The following RFTN2 variants were observed in gnomAD, a reference collection of about 807,000 sequenced individuals.
The protein encoded by RFTN2 is raftlin family member 2, also known as raftlin-2.
Under a neutral mutation model 52.7 loss-of-function variants are expected in RFTN2, and 34 were observed. The observed-to-expected ratio is 0.64, with a 90% CI of 0.49 to 0.86. The LOEUF is 0.86. RFTN2 is among the 40% of genes least tolerant of loss of function. The pLI is 0.00. For missense variants in RFTN2, 536 were observed against 600.1 expected (o/e 0.89, Z 1.12); for synonymous variants, 203 against 217.7 (o/e 0.93, Z 0.59).
rs920491709 is a variant in RFTN2 at position 197,591,541 on chromosome 2, G to T, written c.1233+4450C>A. On this transcript the variant is annotated intron_variant, in intron 8 of 8. Coordinates refer to ENST00000295049, the MANE Select transcript of RFTN2 (RefSeq NM_144629.3). Reference sequence around the variant, plus strand: ...GCAGGTGGAGCTGTCTGCCAGTCCCGCGCAGTGTGCCCATACTCCTCAGCC... The same window carrying T: ...GCAGGTGGAGCTGTCTGCCAGTCCCTCGCAGTGTGCCCATACTCCTCAGCC... Among the ~76,000 whole-genome samples, 7 of 152,218 alleles carry T rather than the reference G, an allele frequency of 4.6e-5. 1 individual carries two copies. Among genetic ancestry groups the T allele is most frequent in the Non-Finnish European group, 1.5e-5 (1 of 68,040 alleles).
intron 8 of RFTN2, among the ~76,000 whole-genome samples, chr2:197,584,023 T>A (rs2087554456): frequency 6.6e-6 from 1 of 152,184 alleles, no homozygotes; most frequent in Non-Finnish European, 1.5e-5. Flanking sequence ...ATCCAGTCTA[T>A]CATTGATGGA....
At chr2:197,650,937 A>T (rs1435618253) in intron 1 of RFTN2, among the ~76,000 whole-genome samples, 4 of 152,204 alleles carry the variant, frequency 2.6e-5, no homozygotes, top group Admixed American at 6.5e-5. Context: ...AATTGTCTGC[A>T]TCCTCACTAA....
intron 8 of RFTN2, among the ~76,000 whole-genome samples, chr2:197,581,898 C>A (rs1224930913): frequency 6.6e-6 from 1 of 152,174 alleles, no homozygotes; most frequent in Non-Finnish European, 1.5e-5. Context: ...CTAGCTGACC[C>A]CATAGATCCT....
chr2:197,627,508 A>G (rs1192423849), intron 5 of RFTN2, among the ~76,000 whole-genome samples: 1 of 152,254 alleles, frequency 6.6e-6, no homozygotes, highest in Non-Finnish European at 1.5e-5. Flanking sequence ...TTTCAATGTT[A>G]TAACTCCATC....
chr2:197,618,559 G>T (rs1574711692), intron 5 of RFTN2, among the ~76,000 whole-genome samples: 1 of 152,114 alleles, frequency 6.6e-6, no homozygotes, highest in East Asian at 1.9e-4. Context: ...CGTCTGGGAT[G>T]TGAGGAGCCC....
chr2:197,609,315 G>A (rs2088016461), intron 7 of RFTN2, among the ~76,000 whole-genome samples: 1 of 152,104 alleles, frequency 6.6e-6, no homozygotes. Flanking sequence ...AATTTTTAAT[G>A]ATCACCATTC....
chr2:197,607,124 T>C (rs1470827566), intron 7 of RFTN2, among the ~76,000 whole-genome samples: 2 of 152,174 alleles, frequency 1.3e-5, no homozygotes, highest in African/African-American at 4.8e-5. Flanking sequence ...ATGTGGCACA[T>C]ATACATCATG....
At chr2:197,622,551 C>A (rs905645076) in intron 5 of RFTN2, among the ~76,000 whole-genome samples, 5 of 152,294 alleles carry the variant, frequency 3.3e-5, no homozygotes, top group Non-Finnish European at 7.3e-5. Context: ...AATGATCCAA[C>A]CTCCTCAGCC....
chr2:197,581,813 G>A (rs932460078), intron 8 of RFTN2, among the ~76,000 whole-genome samples: 7 of 152,106 alleles, frequency 4.6e-5, no homozygotes, highest in Non-Finnish European at 8.8e-5. Context: ...CCTGGGCATG[G>A]TTGGATACTT....
At chr2:197,575,971 G>T (rs769657462) in intron 8 of RFTN2, among the ~76,000 whole-genome samples, 10 of 148,948 alleles carry the variant, frequency 6.7e-5, no homozygotes, top group Non-Finnish European at 1.5e-4. Context: ...TGCTTAACTT[G>T]TGATGTTCAG....
At chr2:197,625,640 C>T (rs2088341925) in intron 5 of RFTN2, among the ~76,000 whole-genome samples, 1 of 140,884 alleles carries the variant, frequency 7.1e-6, no homozygotes, top group Non-Finnish European at 1.5e-5. Context: ...ATCCATTTCT[C>T]ATAATGAGGG....
At chr2:197,619,095 G>C (rs2088207749) in intron 5 of RFTN2, among the ~76,000 whole-genome samples, 1 of 150,894 alleles carries the variant, frequency 6.6e-6, no homozygotes, top group South Asian at 2.1e-4. Flanking sequence ...GAAGTGAGGA[G>C]CCCCTCTGCC....
chr2:197,628,070 C>T (rs1574721237), intron 5 of RFTN2, among the ~76,000 whole-genome samples: 1 of 152,194 alleles, frequency 6.6e-6, no homozygotes, highest in East Asian at 1.9e-4. Flanking sequence ...ACCACCCTCC[C>T]CATGTGCTTT....
chr2:197,573,301 G>C (rs539292485), intron 8 of RFTN2, among the ~76,000 whole-genome samples: 11 of 152,216 alleles, frequency 7.2e-5, no homozygotes, highest in South Asian at 2.1e-4. Flanking sequence ...TCCAGGTTGA[G>C]ATGATTTCAG....
intron 3 of RFTN2, among the ~76,000 whole-genome samples, chr2:197,640,343 G>A (rs1046702479): frequency 2.0e-5 from 3 of 152,112 alleles, no homozygotes; most frequent in African/African-American, 4.8e-5. Flanking sequence ...CCTCACTGCC[G>A]CCTTGCAGTT....
chr2:197,578,964 A>T (rs1344887618), intron 8 of RFTN2, among the ~76,000 whole-genome samples: 1 of 151,810 alleles, frequency 6.6e-6, no homozygotes, highest in Non-Finnish European at 1.5e-5. Context: ...CTCTCTCACT[A>T]TCCCTCAACC....
chr2:197,588,267 C>T (rs2087633950), intron 8 of RFTN2, among the ~76,000 whole-genome samples: 2 of 152,144 alleles, frequency 1.3e-5, no homozygotes, highest in African/African-American at 4.8e-5. Flanking sequence ...AGAAACAGTA[C>T]ATAAAACTTT....
Position 197,572,095 on chromosome 2 carries a change from C to T in RFTN2, c.1419G>A (p.Gly473=). The change falls in exon 9 of 9, where the codon GGG becomes GGA. Residue 473 remains glycine (G), a synonymous_variant. Transcript: ENST00000295049. ...GGAGGACGTTGTCACTGCTGCTGAACCCAGAGAAGCTGTTGTGCTGTGCCA... is the reference window on the plus strand; with the variant it reads ...GGAGGACGTTGTCACTGCTGCTGAATCCAGAGAAGCTGTTGTGCTGTGCCA... ...GRLAQHNSFS[G]FSSSDNVLRE... The T allele has an allele frequency of 6.2e-7, 1 of 1,614,252 alleles. No homozygotes were observed. Among genetic ancestry groups the T allele is most frequent in the South Asian group, 1.1e-5 (1 of 91,086 alleles).
rs897173818 is a variant in RFTN2, at chr2:197,644,081, G to A, written c.438+77C>T. ...CCTGTCATTTCCTTATTCTTTTTAG[G>A]GTAAAAAAGGGAATTGATGAAGATG... On this transcript the variant is annotated intron_variant, in intron 3 of 8. Transcript: ENST00000295049. 4 of 862,316 alleles carry A rather than the reference G, an allele frequency of 4.6e-6. No individual in the cohort carries two copies. The African/African-American group carries it at 6.7e-5, about 14-fold the overall frequency. 53.4% of individuals were successfully genotyped at this position (862,316 alleles called of 1,614,324 possible).
Sources: gnomAD v4.1 joint callset for allele counts (sites outside exome capture counted in the v4.1 genomes callset) on GRCh38, gnomAD v4.1.1 for gene constraint, MANE v1.5 for transcripts, NCBI Gene and HGNC (gene_info 2026-07-23, HGNC 2026-07-21) for gene names.